Variants in KALRN observed in about 807,000 individuals in gnomAD.
KALRN encodes kalirin.
Under a neutral mutation model 353.7 loss-of-function variants are expected in KALRN, and 70 were observed. The observed-to-expected ratio is 0.20, with a 90% CI of 0.16 to 0.24. KALRN has a LOEUF of 0.24. Among genes scored for constraint, KALRN ranks in the 10% least tolerant of loss-of-function variants. The pLI, the probability that KALRN is intolerant of heterozygous loss-of-function variation, is 1.00. For missense variants in KALRN, 2,791 were observed against 3,756.7 expected (o/e 0.74, Z 6.72); for synonymous variants, 1,391 against 1,434.8 (o/e 0.97, Z 0.69).
chr3:124,208,841 C>T (rs894020402), intron 1 of KALRN, among the ~76,000 whole-genome samples: 5 of 151,798 alleles, frequency 3.3e-5, no homozygotes, highest in Admixed American at 3.3e-4. Context: ...TGGTACATGC[C>T]TGTAGTACCA....
chr3:124,386,266 T>C (rs1468431552), intron 11 of KALRN, among the ~76,000 whole-genome samples: 1 of 152,156 alleles, frequency 6.6e-6, no homozygotes, highest in Admixed American at 6.5e-5. Context: ...GGTTCTCTGC[T>C]TGATAGTGGC....
chr3:124,051,022 A>G (rs2040983272), intron 1 of KALRN, among the ~76,000 whole-genome samples: 1 of 152,232 alleles, frequency 6.6e-6, no homozygotes, highest in African/African-American at 2.4e-5. Context: ...TAGTTAAAAC[A>G]ATAATTTGGG....
chr3:124,561,699 G>T (rs1577992047), intron 33 of KALRN, among the ~76,000 whole-genome samples: 1 of 152,300 alleles, frequency 6.6e-6, no homozygotes, highest in East Asian at 1.9e-4. Context: ...GACTGAAGTC[G>T]AATTCCTGGA....
rs141820091 is a variant in KALRN at position 124,446,356 on chromosome 3, G to A, written c.3429+80G>A. The A allele has an allele frequency of 1.8e-3, 1,880 of 1,020,936 alleles. 31 individuals are homozygous for A. The African/African-American group carries it at 0.026, about 14-fold the overall frequency. The allele number at this position is 1,020,936 out of a possible 1,614,324, so 63.2% of individuals were successfully genotyped here. On this transcript the variant is annotated intron_variant, in intron 20 of 59. Coordinates refer to ENST00000682506, the MANE Select transcript of KALRN (RefSeq NM_001388419.1). ...CATCACCAAGGCTTAGTCCAGAAGA[G>A]GGCCACAGCAGCAGATTGGGGATGG...
At chr3:124,227,691 TTTTTTTTTTTTTTTG>T (rs2078712295) in intron 1 of KALRN, among the ~76,000 whole-genome samples, 2 of 63,728 alleles carry the variant, frequency 3.1e-5, no homozygotes, top group African/African-American at 9.0e-5. Flanking sequence ...TTTTTTTTTT[TTTTTTTTTTTTTTTG>T]CCCCCACTGC....
rs1488501731 is a variant in KALRN, at chr3:124,664,366, TGTGTGC to T, written c.6346-2081_6346-2076del. Among the ~76,000 whole-genome samples the T allele has an allele frequency of 8.1e-3, 1,033 of 126,908 alleles. 14 individuals are homozygous for T. The highest frequency in any genetic ancestry group is 0.034 in the Middle Eastern group (9 of 266). 83.3% of individuals were successfully genotyped at this position (126,908 alleles called of 152,430 possible). A position where few individuals can be genotyped will look rare whatever the true frequency, so the allele number is the denominator to read the frequency against. On this transcript the variant is annotated intron_variant, in intron 45 of 59. Transcript: ENST00000682506. ...GTGTGTGTGTGTGTGTGTGTGTGTG[TGTGTGC>T]GCGCGCGCGCATATAAGGGCACCCA... is the stretch of plus-strand genomic sequence containing the variant.
intron 50 of KALRN, among the ~76,000 whole-genome samples, 164 bp from the exon 51 acceptor site, chr3:124,679,294 C>T (rs1049751674): frequency 2.0e-5 from 3 of 152,242 alleles, no homozygotes; most frequent in Non-Finnish European, 4.4e-5. Context: ...GAGCATGCTG[C>T]TGCCCCTGGT....
intron 21 of KALRN, 76 bp from the exon 22 acceptor site, chr3:124,455,100 AC>A (rs2059178152): frequency 6.5e-7 from 1 of 1,532,724 alleles, no homozygotes; most frequent in East Asian, 2.2e-5. Context: ...GCTGCTCTAA[AC>A]AGGAAGAGAG....
chr3:124,350,129 G>T (rs1053630979), intron 10 of KALRN, among the ~76,000 whole-genome samples: 3 of 152,160 alleles, frequency 2.0e-5, no homozygotes, highest in African/African-American at 7.2e-5. Context: ...TTGGTTATAG[G>T]CCCATGTTTT....
intron 5 of KALRN, among the ~76,000 whole-genome samples, chr3:124,278,735 C>G (rs1452884639): frequency 6.6e-6 from 1 of 152,148 alleles, no homozygotes; most frequent in Non-Finnish European, 1.5e-5. Context: ...AAAGTATCCA[C>G]TTCTATTTCC....
At chr3:124,649,970 AT>A (rs1378854413) in intron 37 of KALRN, among the ~76,000 whole-genome samples, 1 of 77,642 alleles carries the variant, frequency 1.3e-5, no homozygotes, top group South Asian at 3.6e-4. Context: ...AAATAAAATA[AT>A]AATAATAATA....
At chr3:124,253,891 T>A (rs1456723115) in intron 3 of KALRN, among the ~76,000 whole-genome samples, 1 of 152,206 alleles carries the variant, frequency 6.6e-6, no homozygotes, top group Non-Finnish European at 1.5e-5. Context: ...ACTGGTCTGC[T>A]GGAGTGGTGC....
intron 1 of KALRN, among the ~76,000 whole-genome samples, chr3:124,109,763 GAT>G (rs1454236163): frequency 1.5e-4 from 17 of 110,952 alleles, no homozygotes; most frequent in African/African-American, 4.9e-4. Flanking sequence ...ATCATACTTT[GAT>G]ATATATATGA....
At chr3:124,343,868 C>A (rs751306011) in intron 9 of KALRN, among the ~76,000 whole-genome samples, 31 of 152,226 alleles carry the variant, frequency 2.0e-4, no homozygotes, top group Non-Finnish European at 3.8e-4. Flanking sequence ...GCTACACCCC[C>A]ACCTCCAGAG....
At chr3:124,712,127 A>G (rs1397715821) in intron 57 of KALRN, among the ~76,000 whole-genome samples, 1 of 152,186 alleles carries the variant, frequency 6.6e-6, no homozygotes, top group Non-Finnish European at 1.5e-5. Flanking sequence ...GGGTGCACCA[A>G]AATCTCAGAA....
intron 1 of KALRN, among the ~76,000 whole-genome samples, chr3:124,148,771 G>A (rs1412182147): frequency 1.3e-5 from 2 of 151,974 alleles, no homozygotes; most frequent in African/African-American, 4.8e-5. Flanking sequence ...ACCTGAGAAG[G>A]TTATTATATA....
At chr3:124,535,822 G>A (rs970054435) in intron 33 of KALRN, among the ~76,000 whole-genome samples, 4 of 152,134 alleles carry the variant, frequency 2.6e-5, no homozygotes, top group Non-Finnish European at 5.9e-5. Flanking sequence ...CAGGTAAGCG[G>A]TCCAGGACTG....
At chr3:124,253,813 C>T (rs923631677) in intron 3 of KALRN, among the ~76,000 whole-genome samples, 1 of 152,200 alleles carries the variant, frequency 6.6e-6, no homozygotes, top group African/African-American at 2.4e-5. Context: ...GAAACACACA[C>T]CCAGGCCAAA....
intron 1 of KALRN, among the ~76,000 whole-genome samples, chr3:124,079,771 TGTTA>T (rs1295170346): frequency 1.3e-5 from 2 of 152,256 alleles, no homozygotes; most frequent in Non-Finnish European, 2.9e-5. Context: ...CTTTCATTCT[TGTTA>T]GTTAGAATGT....
Sources: allele counts gnomAD v4.1 joint callset (sites outside exome capture counted in the v4.1 genomes callset), GRCh38; gene constraint gnomAD v4.1.1; transcripts MANE v1.5; gene names NCBI Gene and HGNC (gene_info 2026-07-23, HGNC 2026-07-21).